Variants in NPAP1 observed in about 807,000 individuals in gnomAD.
NPAP1 encodes nuclear pore associated protein 1.
For synonymous variants in NPAP1, 616 were observed against 581.4 expected, an observed-to-expected ratio of 1.06 and a Z score of -0.86; for missense variants, 1,483 against 1,454.5, an observed-to-expected ratio of 1.02 and a Z score of -0.32.
chr15:24,678,355 C>G lies in NPAP1; in HGVS notation c.2488C>G (p.Pro830Ala), dbSNP rs562199166. 4.4e-5 allele frequency: 71 copies of G among 1,614,076 alleles called. No individual in the cohort carries two copies. The highest frequency in any genetic ancestry group is 1.6e-4 in the Middle Eastern group (1 of 6,062). The change falls in exon 1 of 1, where the codon CCT becomes GCT. Residue 830 changes from proline to alanine, a missense_variant. Pro to Ala is a conservative substitution (Grantham distance 27). Transcript: ENST00000329468. ...IDTSDMNTTP[P>A]SKTVILQSTF... ...CACCAGTGACATGAATACCACCCCT[C>G]CTTCCAAAACTGTCATCTTGCAGTC...
In NPAP1 at chr15:24,676,038, C is replaced by T; in HGVS notation, c.171C>T (p.Arg57=). Residue 57 remains arginine, a synonymous_variant, in exon 1 of 1, where the codon CGC becomes CGT. Transcript: ENST00000329468. ...GCCTGTTCCGCCGGAACGCCCGTCG[C>T]AGGCCTTCAGCAGCCAGCATCTTCG... is the stretch of plus-strand genomic sequence containing the variant. ...FRGLFRRNAR[R]RPSAASIFVA... 1 of 1,595,958 alleles carries T rather than the reference C, an allele frequency of 6.3e-7. No homozygotes were observed. The highest frequency in any genetic ancestry group is 8.5e-7 in the Non-Finnish European group (1 of 1,172,568).
rs2141310738 is a variant in NPAP1 at position 24,677,613 on chromosome 15, C to T, written c.1746C>T (p.Ala582=). The T allele has an allele frequency of 6.2e-7, 1 of 1,614,130 alleles. No homozygotes were observed. The highest frequency in any genetic ancestry group is 8.5e-7 in the Non-Finnish European group (1 of 1,180,018). The change falls in exon 1 of 1, where the codon GCC becomes GCT. Residue 582 remains alanine, a synonymous_variant. Coordinates refer to ENST00000329468, the MANE Select transcript of NPAP1 (RefSeq NM_018958.3). The stretch of plus-strand genomic sequence containing the variant: ...AAGTAGTTAATATGGATACTACTGC[C>T]CCATCTCAGGTTGTTATTTTCACAT... ...DPEVVNMDTT[A]PSQVVIFTSS...
At position 24,677,011 on chromosome 15, in the gene NPAP1, T is replaced by C; in HGVS notation, c.1144T>C (p.Leu382=). 1 of 1,613,960 alleles carries C rather than the reference T, an allele frequency of 6.2e-7. No homozygotes were observed. Among genetic ancestry groups the C allele is most frequent in the South Asian group, 1.1e-5 (1 of 91,072 alleles). The change falls in exon 1 of 1, where the codon TTG becomes CTG. Residue 382 remains leucine (L), a synonymous_variant. Coordinates refer to ENST00000329468, the MANE Select transcript of NPAP1 (RefSeq NM_018958.3). Reference sequence around the variant, plus strand: ...TGAGTATAAAAGGAATAGCAGAATCTTGGAGGATAAAACAGAGACCATGAC... The same window carrying C: ...TGAGTATAAAAGGAATAGCAGAATCCTGGAGGATAAAACAGAGACCATGAC... ...SPEYKRNSRI[L]EDKTETMTNS...
At position 24,675,919 on chromosome 15, in the gene NPAP1, C is replaced by T. The variant is rs762319191; in HGVS notation, c.52C>T (p.Pro18Ser). Residue 18 changes from proline (P) to serine (S), a missense_variant, in exon 1 of 1, where the codon CCA becomes TCA. Physicochemically the swap from Pro to Ser is moderately conservative, Grantham distance 74. Coordinates refer to ENST00000329468, the MANE Select transcript of NPAP1 (RefSeq NM_018958.3). ...FRPGCRRRPL[P>S]GPGRGAPAPL... Reference sequence around the variant, plus strand: ...ACCCGGGTGCCGCCGCCGGCCCCTGCCAGGGCCAGGGCGTGGCGCCCCCGC... The same window carrying T: ...ACCCGGGTGCCGCCGCCGGCCCCTGTCAGGGCCAGGGCGTGGCGCCCCCGC... 1 of 1,584,238 alleles carries T rather than the reference C, an allele frequency of 6.3e-7. No individual in the cohort carries two copies. Among genetic ancestry groups the T allele is most frequent in the South Asian group, 1.1e-5 (1 of 88,292 alleles).
At position 24,681,818 on chromosome 15, in the gene NPAP1, A is replaced by G. The variant is rs943126552; in HGVS notation, c.*2480A>G. ...CATAGATAGATGATAGAGATAGATG[A>G]TAGATAGATAGATAGATAGATAGAT... is the stretch of plus-strand genomic sequence containing the variant. On this transcript the variant is annotated 3_prime_UTR_variant, in exon 1 of 1. Transcript: ENST00000329468. 1 of 161,924 alleles carries G rather than the reference A, an allele frequency of 6.2e-6. No individual in the cohort carries two copies. Among genetic ancestry groups the G allele is most frequent in the Non-Finnish European group, 1.5e-5 (1 of 67,580 alleles). The allele number at this position is 161,924 out of a possible 1,614,324, so 10.0% of individuals were successfully genotyped here.
At position 24,676,917 on chromosome 15, in the gene NPAP1, G is replaced by C. The variant is rs757583074; in HGVS notation, c.1050G>C (p.Glu350Asp). 1 of 1,613,730 alleles carries C rather than the reference G, an allele frequency of 6.2e-7. No individual in the cohort carries two copies. Among genetic ancestry groups the C allele is most frequent in the African/African-American group, 1.3e-5 (1 of 75,012 alleles). The part of the protein sequence containing the change: ...PSLPLLWDRG[E>D]LPPPAKLPCL... ...TGCCATTGCTGTGGGATCGAGGTGA[G>C]CTTCCCCCACCTGCTAAGCTCCCCT... The change falls in exon 1 of 1, where the codon GAG becomes GAC. Residue 350 changes from glutamate (E) to aspartate (D), a missense_variant. Physicochemically the swap from Glu to Asp is conservative, Grantham distance 45 (BLOSUM62 2). Transcript: ENST00000329468.
In NPAP1 at chr15:24,677,346, C is replaced by G. The variant is rs774632484; in HGVS notation, c.1479C>G (p.Leu493=). 1 of 1,614,000 alleles carries G rather than the reference C, an allele frequency of 6.2e-7. No individual in the cohort carries two copies. The highest frequency in any genetic ancestry group is 1.1e-5 in the South Asian group (1 of 91,056). Residue 493 remains leucine (L), a synonymous_variant, in exon 1 of 1, where the codon CTC becomes CTG. Coordinates refer to ENST00000329468, the MANE Select transcript of NPAP1 (RefSeq NM_018958.3). ...SYNSVVGAAP[L]TSDPPTPPSS... ...ATTCAGTCGTAGGAGCAGCGCCTCT[C>G]ACTTCTGACCCCCCAACACCTCCTA...
chr15:24,677,426 G>A lies in NPAP1; in HGVS notation c.1559G>A (p.Cys520Tyr), dbSNP rs2048984341. 3 of 1,614,050 alleles carry A rather than the reference G, an allele frequency of 1.9e-6. No homozygotes were observed. The highest frequency in any genetic ancestry group is 1.7e-5 in the Admixed American group (1 of 60,022). Residue 520 changes from cysteine to tyrosine, a missense_variant, in exon 1 of 1, where the codon TGT becomes TAT. Physicochemically the swap from Cys to Tyr is radical, Grantham distance 194 (BLOSUM62 -2). Transcript: ENST00000329468. ...ACAAGGGAGTCCCCAATATCTATGTGTGTGGATTCCCCTCCTCCTCTTTCC... is the reference window on the plus strand; with the variant it reads ...ACAAGGGAGTCCCCAATATCTATGTATGTGGATTCCCCTCCTCCTCTTTCC... The part of the protein sequence containing the change: ...PVTRESPISM[C>Y]VDSPPPLSFL...
At position 24,679,374 on chromosome 15, in the gene NPAP1, T is replaced by G; in HGVS notation, c.*36T>G. 1 of 1,419,256 alleles carries G rather than the reference T, an allele frequency of 7.0e-7. No individual in the cohort carries two copies. Among genetic ancestry groups the G allele is most frequent in the Non-Finnish European group, 9.8e-7 (1 of 1,015,452 alleles). The allele number at this position is 1,419,256 out of a possible 1,614,324, so 87.9% of individuals were successfully genotyped here. ...GGTTCACCTGATCACACCACATCAG[T>G]TGTGGTTGTAAATACCAGCATTATC... is the stretch of plus-strand genomic sequence containing the variant. On this transcript the variant is annotated 3_prime_UTR_variant, in exon 1 of 1. Coordinates refer to ENST00000329468, the MANE Select transcript of NPAP1 (RefSeq NM_018958.3).
chr15:24,680,261 G>T lies in NPAP1; in HGVS notation c.*923G>T. 6.0e-6 allele frequency: 1 copy of T among 167,400 alleles called. No homozygotes were observed. Among genetic ancestry groups the T allele is most frequent in the Non-Finnish European group, 1.5e-5 (1 of 68,562 alleles). 10.4% of individuals were successfully genotyped at this position (167,400 alleles called of 1,614,324 possible). On this transcript the variant is annotated 3_prime_UTR_variant, in exon 1 of 1. Coordinates refer to ENST00000329468, the MANE Select transcript of NPAP1 (RefSeq NM_018958.3). Reference sequence around the variant, plus strand: ...TCCACCCACCTCGGCCTCCCAAAGTGCTAGGATGACAGGTGTGAGCCACCA... The same window carrying T: ...TCCACCCACCTCGGCCTCCCAAAGTTCTAGGATGACAGGTGTGAGCCACCA...
At position 24,681,792 on chromosome 15, in the gene NPAP1, A is replaced by T. The variant is rs2049018630; in HGVS notation, c.*2454A>T. On this transcript the variant is annotated 3_prime_UTR_variant, in exon 1 of 1. Transcript: ENST00000329468. ...AAAGATAGATAGATGATAGATAGAT[A>T]CATAGATAGATGATAGAGATAGATG... The T allele has an allele frequency of 6.1e-6, 1 of 163,416 alleles. No individual in the cohort carries two copies. The highest frequency in any genetic ancestry group is 6.8e-5 in the Admixed American group (1 of 14,800). 10.1% of individuals were successfully genotyped at this position (163,416 alleles called of 1,614,324 possible).
chr15:24,677,589 A>C lies in NPAP1; in HGVS notation c.1722A>C (p.Glu574Asp). Residue 574 changes from glutamate (E) to aspartate (D), a missense_variant, in exon 1 of 1, where the codon GAA becomes GAC. Glu to Asp is a conservative substitution (Grantham distance 45, BLOSUM62 2). Transcript: ENST00000329468. Reference sequence around the variant, plus strand: ...CCTCACAGACTGCGGTAGACCCTGAAGTAGTTAATATGGATACTACTGCCC... The same window carrying C: ...CCTCACAGACTGCGGTAGACCCTGACGTAGTTAATATGGATACTACTGCCC... ...HLTSQTAVDP[E>D]VVNMDTTAPS... is the part of the protein sequence containing the mutation. 1 of 1,614,190 alleles carries C rather than the reference A, an allele frequency of 6.2e-7. No homozygotes were observed. Among genetic ancestry groups the C allele is most frequent in the South Asian group, 1.1e-5 (1 of 91,078 alleles).
rs2141307020 is a variant in NPAP1, at chr15:24,675,983, A to G, written c.116A>G (p.His39Arg). 2 of 1,600,914 alleles carry G rather than the reference A, an allele frequency of 1.2e-6. No homozygotes were observed. Among genetic ancestry groups the G allele is most frequent in the Non-Finnish European group, 1.7e-6 (2 of 1,175,126 alleles). The change falls in exon 1 of 1, where the codon CAC (histidine) becomes CGC (arginine). Residue 39 changes from histidine (H) to arginine (R), a missense_variant. His to Arg is a conservative substitution (Grantham distance 29). Coordinates refer to ENST00000329468, the MANE Select transcript of NPAP1 (RefSeq NM_018958.3). ...SRDASPPGRA[H>R]SVPTPRPFRG... is the part of the protein sequence containing the mutation. ...GACGCCTCCCCGCCCGGTCGGGCTCACTCTGTACCCACCCCGCGCCCTTTC... is the reference window on the plus strand; with the variant it reads ...GACGCCTCCCCGCCCGGTCGGGCTCGCTCTGTACCCACCCCGCGCCCTTTC...
rs201818080 is a variant in NPAP1 at position 24,678,090 on chromosome 15, A to G, written c.2223A>G (p.Ser741=). 13 of 1,613,634 alleles carry G rather than the reference A, an allele frequency of 8.1e-6. No homozygotes were observed. The highest frequency in any genetic ancestry group is 1.7e-5 in the Admixed American group (1 of 59,952). ...GNTQPSGNTA[S]VQGSTSLPAQ... is the part of the protein sequence containing the mutation. The stretch of plus-strand genomic sequence containing the variant: ...CACAACCCAGCGGCAACACTGCCTC[A>G]GTCCAAGGCTCCACCAGTTTGCCTG... The change falls in exon 1 of 1, where the codon TCA becomes TCG. Residue 741 remains serine (S), a synonymous_variant. Transcript: ENST00000329468.
rs2141307782 is a variant in NPAP1 at position 24,676,336 on chromosome 15, C to A, written c.469C>A (p.Pro157Thr). 1 of 1,536,404 alleles carries A rather than the reference C, an allele frequency of 6.5e-7. No homozygotes were observed. The highest frequency in any genetic ancestry group is 1.4e-5 in the African/African-American group (1 of 72,244). Reference sequence around the variant, plus strand: ...GACCGAGGTGTGGGCCCAAGAAGGGCCCAGAAGAGTGAAGAAGGATGAGGA... The same window carrying A: ...GACCGAGGTGTGGGCCCAAGAAGGGACCAGAAGAGTGAAGAAGGATGAGGA... ...EETEVWAQEGPRRVKKDEDPV... is the reference protein window; with the variant it reads ...EETEVWAQEGTRRVKKDEDPV... Residue 157 changes from proline (P) to threonine (T), a missense_variant, in exon 1 of 1, where the codon CCC becomes ACC. Physicochemically the swap from Pro to Thr is conservative, Grantham distance 38 (BLOSUM62 -1). Coordinates refer to ENST00000329468, the MANE Select transcript of NPAP1 (RefSeq NM_018958.3).
Position 24,678,354 on chromosome 15 carries a change from T to G in NPAP1, c.2487T>G (p.Pro829=). The G allele has an allele frequency of 1.2e-6, 2 of 1,613,850 alleles. No individual in the cohort carries two copies. Among genetic ancestry groups the G allele is most frequent in the Non-Finnish European group, 1.7e-6 (2 of 1,179,978 alleles). ...AIDTSDMNTT[P]PSKTVILQST... ...ACACCAGTGACATGAATACCACCCC[T>G]CCTTCCAAAACTGTCATCTTGCAGT... The change falls in exon 1 of 1, where the codon CCT becomes CCG. Residue 829 remains proline, a synonymous_variant. Coordinates refer to ENST00000329468, the MANE Select transcript of NPAP1 (RefSeq NM_018958.3).
chr15:24,676,822 A>G lies in NPAP1; in HGVS notation c.955A>G (p.Arg319Gly), dbSNP rs760295096. The change falls in exon 1 of 1, where the codon AGA (arginine) becomes GGA (glycine). Residue 319 changes from arginine (R) to glycine (G), a missense_variant. Transcript: ENST00000329468. The part of the protein sequence containing the change: ...CIPPRSAAPP[R>G]AARNRPCKRK... ...TCCTCCAAGGAGCGCTGCTCCTCCCAGAGCTGCCCGCAACAGGCCCTGCAA... is the reference window on the plus strand; with the variant it reads ...TCCTCCAAGGAGCGCTGCTCCTCCCGGAGCTGCCCGCAACAGGCCCTGCAA... 8 of 1,613,098 alleles carry G rather than the reference A, an allele frequency of 5.0e-6. No individual in the cohort carries two copies. Among genetic ancestry groups the G allele is most frequent in the East Asian group, 2.2e-5 (1 of 44,856 alleles).
rs759594929 is a variant in NPAP1 at position 24,676,735 on chromosome 15, C to G, written c.868C>G (p.Leu290Val). The change falls in exon 1 of 1, where the codon CTA becomes GTA. Residue 290 changes from leucine (L) to valine (V), a missense_variant. Coordinates refer to ENST00000329468, the MANE Select transcript of NPAP1 (RefSeq NM_018958.3). Reference protein sequence around the residue: ...VLNEEPPPSSLGLPIPLMSGK... With the variant: ...VLNEEPPPSSVGLPIPLMSGK... ...GAATGAAGAGCCACCGCCCAGCTCC[C>G]TAGGCTTGCCGATTCCGCTGATGTC... 3 of 1,613,948 alleles carry G rather than the reference C, an allele frequency of 1.9e-6. No individual in the cohort carries two copies. The highest frequency in any genetic ancestry group is 1.7e-5 in the Admixed American group (1 of 60,026).
chr15:24,677,878 C>T lies in NPAP1; in HGVS notation c.2011C>T (p.Pro671Ser), dbSNP rs764570331. The T allele has an allele frequency of 3.7e-6, 6 of 1,613,686 alleles. No homozygotes were observed. Among genetic ancestry groups the T allele is most frequent in the East Asian group, 2.2e-5 (1 of 44,820 alleles). ...CAGTGCCTGTGTTTTCCTGAGCCTT[C>T]CCATCATTCCTCCTCCAGACACCTC... is the stretch of plus-strand genomic sequence containing the variant. ...LPSACVFLSL[P>S]IIPPPDTSTL... Residue 671 changes from proline to serine, a missense_variant, in exon 1 of 1, where the codon CCC (proline) becomes TCC (serine). Pro to Ser is a moderately conservative substitution (Grantham distance 74). Transcript: ENST00000329468.
Sources: allele counts gnomAD v4.1 joint callset, GRCh38; gene constraint gnomAD v4.1.1; transcripts MANE v1.5; gene names NCBI Gene and HGNC (gene_info 2026-07-23, HGNC 2026-07-21).